Variants in PHYHD1 observed in about 807,000 individuals in gnomAD.
PHYHD1 encodes phytanoyl-CoA dioxygenase domain-containing protein 1.
A neutral mutation model predicts 43.6 loss-of-function variants in PHYHD1; 42 were observed. That is an observed-to-expected ratio of 0.96 (90% CI 0.75 to 1.25). The LOEUF (loss-of-function observed/expected upper bound fraction) is 1.25. Among genes scored for constraint, PHYHD1 ranks in the 50% most tolerant of loss-of-function variants. The pLI is 0.00. For synonymous variants in PHYHD1, 139 were observed against 143.6 expected (o/e 0.97, Z 0.23); for missense variants, 342 against 370.8 (o/e 0.92, Z 0.64).
intron 4 of PHYHD1, 28 bp downstream of exon 4, chr9:128,927,224 G>T (rs755770234): frequency 6.2e-7 from 1 of 1,612,250 alleles, no homozygotes; most frequent in East Asian, 2.2e-5. Flanking sequence ...ATGAGGATGG[G>T]ATGTGGCTTT....
intron 4 of PHYHD1, among the ~76,000 whole-genome samples, chr9:128,930,701 G>A (rs1376151886): frequency 5.3e-5 from 8 of 151,994 alleles, no homozygotes; most frequent in African/African-American, 1.9e-4. Flanking sequence ...TGTAACCCCA[G>A]CACTTTGGGA....
chr9:128,939,578 C>CAA (rs1288295049), intron 9 of PHYHD1, among the ~76,000 whole-genome samples: 1 of 91,472 alleles, frequency 1.1e-5, no homozygotes, highest in East Asian at 2.7e-4. Context: ...GACTCCGTCT[C>CAA]AAAAAAAAAA....
In PHYHD1 at chr9:128,921,923, T is replaced by G. The variant is rs1841008214; in HGVS notation, c.-159-7T>G. 4.4e-6 allele frequency: 1 copy of G among 225,266 alleles called. No homozygotes were observed. Among genetic ancestry groups the G allele is most frequent in the African/African-American group, 2.3e-5 (1 of 43,200 alleles). 14.0% of individuals were successfully genotyped at this position (225,266 alleles called of 1,614,324 possible). A position where few individuals can be genotyped will look rare whatever the true frequency, so the allele number is the denominator to read the frequency against. ...CCCAGACCAACCCTGCATCCCATTC[T>G]ATCCAGATTGAGGCCTAGAGAGAGG... On this transcript the variant is annotated splice_polypyrimidine_tract_variant and splice_region_variant and intron_variant, in intron 1 of 12. Coordinates refer to ENST00000372592, the MANE Select transcript of PHYHD1 (RefSeq NM_001100876.2).
rs893432514 is a variant in PHYHD1 at position 128,937,981 on chromosome 9, G to A, written c.457+203G>A. ...TTGCGTCCTTGGCATAGTGGGTCCT[G>A]AGCCTGCCAGCAACCCCAGCTGGTT... is the stretch of plus-strand genomic sequence containing the variant. On this transcript the variant is annotated intron_variant, in intron 9 of 12. Coordinates refer to ENST00000372592, the MANE Select transcript of PHYHD1 (RefSeq NM_001100876.2). The A allele has an allele frequency of 6.2e-6, 9 of 1,440,084 alleles. 1 individual carries two copies. Among genetic ancestry groups the A allele is most frequent in the Middle Eastern group, 5.2e-4 (2 of 3,880 alleles). The allele number at this position is 1,440,084 out of a possible 1,614,324, so 89.2% of individuals were successfully genotyped here. A position where few individuals can be genotyped will look rare whatever the true frequency, so the allele number is the denominator to read the frequency against.
intron 12 of PHYHD1, 43 bp downstream of exon 12, chr9:128,941,614 G>A: frequency 6.2e-7 from 1 of 1,614,190 alleles, no homozygotes; most frequent in Non-Finnish European, 8.5e-7. Context: ...GTCCCCTGGA[G>A]GCTGGGAACA....
chr9:128,941,413 G>A (rs772577258), intron 11 of PHYHD1, 32 bp from the exon 12 acceptor site: 1 of 1,608,626 alleles, frequency 6.2e-7, no homozygotes, highest in Non-Finnish European at 8.5e-7. Flanking sequence ...TGTGGGGCTG[G>A]TAGGTTCCTG....
intron 3 of PHYHD1, among the ~76,000 whole-genome samples, chr9:128,924,592 A>G (rs1424111481): frequency 6.6e-6 from 1 of 151,024 alleles, no homozygotes; most frequent in East Asian, 1.9e-4. Context: ...AGCCTGGGTG[A>G]CAGAGAGAGA....
At chr9:128,932,852 TTTATTTA>T (rs1841328062) in intron 4 of PHYHD1, among the ~76,000 whole-genome samples, 2 of 137,890 alleles carry the variant, frequency 1.5e-5, no homozygotes, top group African/African-American at 5.0e-5. Context: ...TATTTATTTA[TTTATTTA>T]TTTTTTGAGA....
chr9:128,934,511 G>A (rs558288670), intron 6 of PHYHD1, among the ~76,000 whole-genome samples: 12 of 152,038 alleles, frequency 7.9e-5, no homozygotes, highest in Non-Finnish European at 1.3e-4. Context: ...GTTCACGTCT[G>A]TAATCCCAGG....
rs149025236 is a variant in PHYHD1, at chr9:128,930,253, C to CT, written c.192+3058dup. ...CAAGATTGCGCCACTGGACTCCAGC[C>CT]TGGGGGACAGAGTGAAACCCTGTCT... On this transcript the variant is annotated intron_variant, in intron 4 of 12. Transcript: ENST00000372592. Among the ~76,000 whole-genome samples the CT allele has an allele frequency of 2.9e-4, 44 of 149,458 alleles. No homozygotes were observed. In the East Asian group the frequency reaches 8.3e-3, roughly 28 times the overall value.
intron 3 of PHYHD1, 134 bp downstream of exon 3, chr9:128,922,490 C>G: frequency 1.8e-6 from 2 of 1,136,542 alleles, no homozygotes. Context: ...GGAGCGGGTT[C>G]CCAACCGCAA....
chr9:128,940,307 G>A lies in PHYHD1; in HGVS notation c.458-62G>A, dbSNP rs922371600. Reference sequence around the variant, plus strand: ...CAGAGGACTGAGGAATAGGTAATGAGGCCAAGGTGAGGTGGAAACAGGCAA... The same window carrying A: ...CAGAGGACTGAGGAATAGGTAATGAAGCCAAGGTGAGGTGGAAACAGGCAA... On this transcript the variant is annotated intron_variant, in intron 9 of 12. Coordinates refer to ENST00000372592, the MANE Select transcript of PHYHD1 (RefSeq NM_001100876.2). 1.7e-5 allele frequency: 28 copies of A among 1,602,026 alleles called. No homozygotes were observed. The East Asian group carries it at 6.0e-4, about 35-fold the overall frequency.
At position 128,934,064 on chromosome 9, in the gene PHYHD1, CA is replaced by C. The variant is rs1414887544; in HGVS notation, c.316+7del. On this transcript the variant is annotated splice_region_variant and intron_variant, in intron 6 of 12. Coordinates refer to ENST00000372592, the MANE Select transcript of PHYHD1 (RefSeq NM_001100876.2). ...CATCAACAAAATTGGCCACGGTGAGCAGGGGCTTGGGGGTACAGGAAAGAAG... is the reference window on the plus strand; with the variant it reads ...CATCAACAAAATTGGCCACGGTGAGCGGGGCTTGGGGGTACAGGAAAGAAG... 2 of 1,613,088 alleles carry C rather than the reference CA, an allele frequency of 1.2e-6. No homozygotes were observed. The highest frequency in any genetic ancestry group is 2.7e-5 in the African/African-American group (2 of 74,874).
At position 128,936,516 on chromosome 9, in the gene PHYHD1, G is replaced by T. The variant is rs1306248605; in HGVS notation, c.372+13G>T. ...CTTCAAGGTGCAGGTGAGCAGAGGT[G>T]GGGGTGAGGGCCAGGAGGGTGGGCC... On this transcript the variant is annotated intron_variant, in intron 7 of 12. Coordinates refer to ENST00000372592, the MANE Select transcript of PHYHD1 (RefSeq NM_001100876.2). 1 of 1,613,474 alleles carries T rather than the reference G, an allele frequency of 6.2e-7. No homozygotes were observed. Among genetic ancestry groups the T allele is most frequent in the African/African-American group, 1.3e-5 (1 of 74,910 alleles).
In PHYHD1 at chr9:128,925,287, G is replaced by A. The variant is rs143513096; in HGVS notation, c.34-1751G>A. Among the ~76,000 whole-genome samples the A allele has an allele frequency of 1.3e-4, 20 of 151,164 alleles. No homozygotes were observed. The East Asian group carries it at 3.5e-3, about 26-fold the overall frequency. On this transcript the variant is annotated intron_variant, in intron 3 of 12. Transcript: ENST00000372592. ...GTCTTCTAGGCTAGAGCGCAGTGGC[G>A]TGATCTCAGCTCACTGCAACTTCTG...
rs371562024 is a variant in PHYHD1 at position 128,940,428 on chromosome 9, G to T, written c.517G>T (p.Val173Leu). 1.2e-6 allele frequency: 2 copies of T among 1,614,074 alleles called. No individual in the cohort carries two copies. The highest frequency in any genetic ancestry group is 1.7e-5 in the Admixed American group (1 of 60,002). The change falls in exon 10 of 13, where the codon GTG (valine) becomes TTG (leucine). Residue 173 changes from valine to leucine, a missense_variant. Transcript: ENST00000372592. ...GGAGCCCCTGGGCCGGGTGCTGGGC[G>T]TGTGGATCGCAGTGGAGGATGCCAC... Reference protein sequence around the residue: ...YTEPLGRVLGVWIAVEDATLE... With the variant: ...YTEPLGRVLGLWIAVEDATLE...
At chr9:128,932,695 T>A (rs1236434365) in intron 4 of PHYHD1, among the ~76,000 whole-genome samples, 2 of 67,756 alleles carry the variant, frequency 3.0e-5, no homozygotes, top group Non-Finnish European at 6.7e-5. Context: ...AGAGACGGGG[T>A]TTCACTATGT....
At position 128,926,060 on chromosome 9, in the gene PHYHD1, G is replaced by A. The variant is rs185501257; in HGVS notation, c.34-978G>A. 1.7e-3 allele frequency among the ~76,000 whole-genome samples: 257 copies of A among 152,272 alleles called. 1 individual carries two copies. Among genetic ancestry groups the A allele is most frequent in the South Asian group, 0.011 (54 of 4,824 alleles). ...TTTCACTAGACTGTAGACACCATGA[G>A]GGCAGGCATCATGGCTGGCTTGCTT... On this transcript the variant is annotated intron_variant, in intron 3 of 12. Coordinates refer to ENST00000372592, the MANE Select transcript of PHYHD1 (RefSeq NM_001100876.2).
chr9:128,937,647 C>T (rs1218382108), intron 8 of PHYHD1, 110 bp from the exon 9 acceptor site: 4 of 1,276,500 alleles, frequency 3.1e-6, no homozygotes, highest in Admixed American at 1.9e-5. Context: ...GATGTGGAAT[C>T]CTGAGAGGAA....
Sources: gnomAD v4.1 joint callset for allele counts (sites outside exome capture counted in the v4.1 genomes callset) on GRCh38, gnomAD v4.1.1 for gene constraint, MANE v1.5 for transcripts, NCBI Gene and HGNC (gene_info 2026-07-23, HGNC 2026-07-21) for gene names.